Variants in RSRC1 observed in about 807,000 individuals in gnomAD.
The protein encoded by RSRC1 is serine/Arginine-related protein 53.
RSRC1 carries 39 observed loss-of-function variants against 49.1 expected under a neutral mutation model. The ratio of observed to expected loss-of-function variants is 0.79; its 90% CI spans 0.61 to 1.04. RSRC1 has a LOEUF of 1.04. RSRC1 is among the 50% of genes least tolerant of loss of function. RSRC1 has a pLI of 0.00. For synonymous variants in RSRC1, 143 were observed against 130.8 expected, an observed-to-expected ratio of 1.09 and a Z score of -0.63; for missense variants, 388 against 402.4, an observed-to-expected ratio of 0.96 and a Z score of 0.31.
chr3:158,114,440 A>G (rs1383412671), intron 1 of RSRC1, among the ~76,000 whole-genome samples: 1 of 152,134 alleles, frequency 6.6e-6, no homozygotes, highest in African/African-American at 2.4e-5. Flanking sequence ...TGATGCCTCC[A>G]GCTTTGTTCT....
intron 3 of RSRC1, among the ~76,000 whole-genome samples, chr3:158,160,324 T>A (rs1307718693): frequency 6.6e-6 from 1 of 152,198 alleles, no homozygotes; most frequent in East Asian, 1.9e-4. Flanking sequence ...TAGTACATCT[T>A]CTGAATAACT....
At chr3:158,461,105 T>A in intron 7 of RSRC1, 102 bp downstream of exon 7, 1 of 731,150 alleles carries the variant, frequency 1.4e-6, no homozygotes. Context: ...TACTTCATGC[T>A]GTTTCATGAA....
At chr3:158,456,482 C>T (rs371978727) in intron 6 of RSRC1, among the ~76,000 whole-genome samples, 5 of 152,082 alleles carry the variant, frequency 3.3e-5, no homozygotes, top group East Asian at 1.9e-4. Flanking sequence ...GTCACAACTA[C>T]TATGCGCCCA....
At chr3:158,360,107 C>T (rs1731386364) in intron 6 of RSRC1, among the ~76,000 whole-genome samples, 1 of 152,212 alleles carries the variant, frequency 6.6e-6, no homozygotes, top group East Asian at 1.9e-4. Context: ...TGTCTTCCCT[C>T]TGCAGGCAGG....
At position 158,235,163 on chromosome 3, in the gene RSRC1, A is replaced by C. The variant is rs541118953; in HGVS notation, c.494+31918A>C. Among the ~76,000 whole-genome samples, 5 of 152,202 alleles carry C rather than the reference A, an allele frequency of 3.3e-5. No homozygotes were observed. The South Asian group carries it at 1.0e-3, about 32-fold the overall frequency. Reference sequence around the variant, plus strand: ...TCCATTCTGAGTGTCACTATGATGCATAGAGTTGTTTTTATTTAGTTTTTA... The same window carrying C: ...TCCATTCTGAGTGTCACTATGATGCCTAGAGTTGTTTTTATTTAGTTTTTA... On this transcript the variant is annotated intron_variant, in intron 4 of 9. Transcript: ENST00000611884.
At chr3:158,410,385 C>T (rs1420376063) in intron 6 of RSRC1, among the ~76,000 whole-genome samples, 1 of 152,166 alleles carries the variant, frequency 6.6e-6, no homozygotes, top group African/African-American at 2.4e-5. Flanking sequence ...CTTTATATCT[C>T]AGTGAAACAT....
intron 7 of RSRC1, among the ~76,000 whole-genome samples, chr3:158,530,513 C>G (rs1224319431): frequency 6.6e-6 from 1 of 151,724 alleles, no homozygotes; most frequent in Non-Finnish European, 1.5e-5. Context: ...AACATAAGCT[C>G]ATGAAGGAAG....
At chr3:158,518,095 CGTGTGTGT>C (rs1263691994) in intron 7 of RSRC1, among the ~76,000 whole-genome samples, 15,886 of 77,678 alleles carry the variant, frequency 0.2, 1,892 homozygotes, top group Middle Eastern at 0.33. Flanking sequence ...TAAGTGCGTG[CGTGTGTGT>C]GTGTGTGTGT....
chr3:158,464,762 G>C (rs1468932863), intron 7 of RSRC1, among the ~76,000 whole-genome samples: 3 of 152,108 alleles, frequency 2.0e-5, no homozygotes, highest in African/African-American at 7.2e-5. Flanking sequence ...CTTATTAACT[G>C]TCTTAATCAT....
At chr3:158,398,551 T>C (rs532970569) in intron 6 of RSRC1, among the ~76,000 whole-genome samples, 100 of 152,246 alleles carry the variant, frequency 6.6e-4, no homozygotes, top group African/African-American at 2.3e-3. Flanking sequence ...AAGGCCTCAC[T>C]TCTTATTACT....
chr3:158,334,093 A>T (rs1261995896), intron 5 of RSRC1, among the ~76,000 whole-genome samples: 1 of 152,210 alleles, frequency 6.6e-6, no homozygotes, highest in East Asian at 1.9e-4. Flanking sequence ...AAATGTGCTG[A>T]TACTTAAAAT....
At chr3:158,405,238 C>T (rs940346073) in intron 6 of RSRC1, among the ~76,000 whole-genome samples, 1 of 151,936 alleles carries the variant, frequency 6.6e-6, no homozygotes, top group Non-Finnish European at 1.5e-5. Flanking sequence ...ATGCAGTTAT[C>T]ATGTTTTGTC....
intron 7 of RSRC1, among the ~76,000 whole-genome samples, chr3:158,518,011 C>CAT (rs1740668843): frequency 6.8e-6 from 1 of 147,866 alleles, no homozygotes; most frequent in East Asian, 2.0e-4. Context: ...ATAAACCAAA[C>CAT]ATGGTTATGG....
chr3:158,180,410 T>G, intron 3 of RSRC1, among the ~76,000 whole-genome samples: 2 of 55,820 alleles, frequency 3.6e-5, no homozygotes, highest in African/African-American at 1.7e-4. Flanking sequence ...TTTTTTTTTT[T>G]TTTTTTGCCG....
At chr3:158,328,008 A>G in intron 5 of RSRC1, among the ~76,000 whole-genome samples, 1 of 151,902 alleles carries the variant, frequency 6.6e-6, no homozygotes, top group East Asian at 1.9e-4. Context: ...GTCTCGTTTG[A>G]TGTTTTTTGG....
intron 4 of RSRC1, among the ~76,000 whole-genome samples, chr3:158,287,586 T>C (rs1383728118): frequency 1.3e-5 from 2 of 152,202 alleles, no homozygotes; most frequent in Non-Finnish European, 2.9e-5. Context: ...TAAGTTAGCT[T>C]ATTGTTCATC....
chr3:158,499,449 T>G (rs530445614), intron 7 of RSRC1, among the ~76,000 whole-genome samples: 1 of 152,168 alleles, frequency 6.6e-6, no homozygotes, highest in African/African-American at 2.4e-5. Flanking sequence ...GGGATTGCAC[T>G]GAATTTGTAG....
chr3:158,140,924 G>T (rs1377460368), intron 3 of RSRC1, among the ~76,000 whole-genome samples: 1 of 152,162 alleles, frequency 6.6e-6, no homozygotes, highest in South Asian at 2.1e-4. Flanking sequence ...CTGTAATCAA[G>T]CTTGAGGAAT....
chr3:158,327,356 C>G (rs1729221577), intron 5 of RSRC1, among the ~76,000 whole-genome samples: 1 of 152,174 alleles, frequency 6.6e-6, no homozygotes, highest in Non-Finnish European at 1.5e-5. Flanking sequence ...CCTGCTGTCT[C>G]TTGTGGGCAT....
Sources: allele counts gnomAD v4.1 joint callset (sites outside exome capture counted in the v4.1 genomes callset), GRCh38; gene constraint gnomAD v4.1.1; transcripts MANE v1.5; gene names NCBI Gene and HGNC (gene_info 2026-07-23, HGNC 2026-07-21).